Variants in ERICH3 observed in about 807,000 individuals in gnomAD.
The protein encoded by ERICH3 is glutamate rich 3.
A neutral mutation model predicts 131.1 loss-of-function variants in ERICH3; 126 were observed. The ratio of observed to expected loss-of-function variants is 0.96; its 90% CI spans 0.83 to 1.11. The LOEUF (loss-of-function observed/expected upper bound fraction) is 1.11, where lower values mean the gene tolerates loss of function less well. ERICH3 is among the 50% of genes most tolerant of loss of function. The pLI, the probability that ERICH3 is intolerant of heterozygous loss-of-function variation, is 0.00. For missense variants in ERICH3, 2,050 were observed against 1,810.7 expected, an observed-to-expected ratio of 1.13 and a Z score of -2.40; for synonymous variants, 695 against 644.6, an observed-to-expected ratio of 1.08 and a Z score of -1.18.
At chr1:74,649,602 T>C (rs960340869) in intron 1 of ERICH3, among the ~76,000 whole-genome samples, 1 of 152,024 alleles carries the variant, frequency 6.6e-6, no homozygotes, top group African/African-American at 2.4e-5. Context: ...ATGCAAAAAG[T>C]CATGGCAGCA....
At chr1:74,673,882 T>A, upstream of ERICH3, 1 of 250,574 alleles carries the variant, frequency 4.0e-6, no homozygotes, top group Non-Finnish European at 7.4e-6. Context: ...AAGCCCCTGC[T>A]CTGTTGCTCT....
Position 74,572,960 on chromosome 1 carries a change from T to C in ERICH3, c.2750A>G (p.His917Arg), listed in dbSNP as rs982998101. Residue 917 changes from histidine to arginine, a missense_variant, in exon 14 of 15, where the codon CAT (histidine) becomes CGT (arginine). Coordinates refer to ENST00000326665, the MANE Select transcript of ERICH3 (RefSeq NM_001002912.5). ...TGCCTCTCTCAGGGCTGCTACTTCA[T>C]GAAGATGCTCCAAGTTCAGGGCTGC... ...EAAALNLEHL[H>R]EVAALREAAT... 2.5e-6 allele frequency: 4 copies of C among 1,614,140 alleles called. No homozygotes were observed. Among genetic ancestry groups the C allele is most frequent in the Non-Finnish European group, 3.4e-6 (4 of 1,180,012 alleles).
At chr1:74,588,320 A>G (rs1321986159) in intron 12 of ERICH3, among the ~76,000 whole-genome samples, 7 of 152,166 alleles carry the variant, frequency 4.6e-5, no homozygotes. Flanking sequence ...ACATGGGACT[A>G]CTAACCTTTG....
intron 1 of ERICH3, among the ~76,000 whole-genome samples, chr1:74,651,637 C>G (rs563263867): frequency 9.9e-5 from 15 of 152,208 alleles, no homozygotes; most frequent in Non-Finnish European, 1.5e-4. Flanking sequence ...TTCACAGATT[C>G]TTAAGATAAA....
intron 6 of ERICH3, 21 bp downstream of exon 6, chr1:74,636,259 A>G (rs1257810639): frequency 5.8e-6 from 9 of 1,554,022 alleles, no homozygotes; most frequent in Non-Finnish European, 7.8e-6. Flanking sequence ...AAATATATTT[A>G]TTGATAAAAA....
intron 9 of ERICH3, 85 bp downstream of exon 9, chr1:74,612,538 T>C: frequency 1.6e-6 from 2 of 1,229,138 alleles, no homozygotes; most frequent in Non-Finnish European, 2.2e-6. Context: ...TCCTTAATAA[T>C]TGTGAAGAGA....
chr1:74,656,359 C>T (rs1295231563), intron 1 of ERICH3, among the ~76,000 whole-genome samples: 1 of 152,140 alleles, frequency 6.6e-6, no homozygotes, highest in Non-Finnish European at 1.5e-5. Context: ...CCAACTGGCC[C>T]CATCACAAGA....
chr1:74,602,712 A>C (rs1226086548), intron 10 of ERICH3, among the ~76,000 whole-genome samples: 1 of 151,982 alleles, frequency 6.6e-6, no homozygotes, highest in African/African-American at 2.4e-5. Context: ...TATCATGAGT[A>C]TAAAGTACAT....
rs750090566 is a variant in ERICH3 at position 74,573,102 on chromosome 1, G to A, written c.2608C>T (p.Leu870=). 3.7e-6 allele frequency: 6 copies of A among 1,614,056 alleles called. No individual in the cohort carries two copies. In the Admixed American group the frequency reaches 1.0e-4, roughly 27 times the overall value. The change falls in exon 14 of 15, where the codon CTG becomes TTG. Residue 870 remains leucine (L), a synonymous_variant. Coordinates refer to ENST00000326665, the MANE Select transcript of ERICH3 (RefSeq NM_001002912.5). The part of the protein sequence containing the change: ...GQAAAKDAVG[L]SKDEAPEKQA... Reference sequence around the variant, plus strand: ...TTTTCAGGAGCCTCATCTTTACTCAGACCCACAGCATCTTTTGCTGCTGCT... The same window carrying A: ...TTTTCAGGAGCCTCATCTTTACTCAAACCCACAGCATCTTTTGCTGCTGCT...
intron 9 of ERICH3, among the ~76,000 whole-genome samples, chr1:74,608,820 T>A (rs1648521778): frequency 6.6e-6 from 1 of 152,112 alleles, no homozygotes; most frequent in Admixed American, 6.6e-5. Context: ...AAAATGTGAT[T>A]ACTAGCATTG....
chr1:74,645,207 T>TC (rs1222772479), intron 3 of ERICH3, among the ~76,000 whole-genome samples: 2 of 151,034 alleles, frequency 1.3e-5, no homozygotes, highest in Non-Finnish European at 3.0e-5. Context: ...TTCTACAGTA[T>TC]TTTTTTTTAA....
intron 12 of ERICH3, among the ~76,000 whole-genome samples, chr1:74,587,218 G>A (rs1296775396): frequency 1.3e-5 from 2 of 151,100 alleles, no homozygotes; most frequent in South Asian, 2.1e-4. Context: ...TCAGCTACTC[G>A]GGAGGTTAAG....
intron 10 of ERICH3, among the ~76,000 whole-genome samples, chr1:74,605,444 T>TG (rs1648340095): frequency 1.3e-5 from 2 of 152,044 alleles, no homozygotes; most frequent in African/African-American, 4.8e-5. Context: ...TTGGCACAAG[T>TG]GGCCTAGCTT....
rs201617318 is a variant in ERICH3 at position 74,607,052 on chromosome 1, TA to T, written c.1188-151del. 1,457 of 546,730 alleles carry T rather than the reference TA, an allele frequency of 2.7e-3. 17 individuals carry two copies. Among genetic ancestry groups the T allele is most frequent in the African/African-American group, 0.025 (1,264 of 51,036 alleles). 33.9% of individuals were successfully genotyped at this position (546,730 alleles called of 1,614,324 possible). A position where few individuals can be genotyped will look rare whatever the true frequency, so the allele number is the denominator to read the frequency against. On this transcript the variant is annotated intron_variant, in intron 9 of 14. Transcript: ENST00000326665. Reference sequence around the variant, plus strand: ...GTACACACTAATAAAAATAAACAATTAAAAAAGCTAATTAAAAATAAACTAT... The same window carrying T: ...GTACACACTAATAAAAATAAACAATTAAAAAGCTAATTAAAAATAAACTAT...
intron 3 of ERICH3, among the ~76,000 whole-genome samples, chr1:74,644,662 C>T (rs1646466342): frequency 6.6e-6 from 1 of 152,048 alleles, no homozygotes; most frequent in Non-Finnish European, 1.5e-5. Flanking sequence ...CCCACTTCAG[C>T]TTCTCTGTAG....
At chr1:74,625,392 C>T (rs1038945316) in intron 7 of ERICH3, 1 of 152,006 alleles carries the variant, frequency 6.6e-6, no homozygotes, top group African/African-American at 2.4e-5. Flanking sequence ...TTTGCTTATT[C>T]CTTTTTCCCC....
intron 6 of ERICH3, among the ~76,000 whole-genome samples, chr1:74,633,604 A>G (rs1646361727): frequency 6.6e-6 from 1 of 151,942 alleles, no homozygotes. Flanking sequence ...ACATCTTTTC[A>G]TGCCAGTGCA....
At chr1:74,632,835 T>C (rs1173414872) in intron 6 of ERICH3, among the ~76,000 whole-genome samples, 2 of 151,962 alleles carry the variant, frequency 1.3e-5, no homozygotes, top group African/African-American at 4.8e-5. Flanking sequence ...TTTAGGGATA[T>C]ACCTTCATAT....
chr1:74,637,805 G>A (rs1646403567), intron 5 of ERICH3, among the ~76,000 whole-genome samples: 2 of 152,004 alleles, frequency 1.3e-5, no homozygotes, highest in Admixed American at 1.3e-4. Context: ...CAGCTACTCA[G>A]GAGTCTGAGG....
Sources: gnomAD v4.1 joint callset for allele counts (sites outside exome capture counted in the v4.1 genomes callset) on GRCh38, gnomAD v4.1.1 for gene constraint, MANE v1.5 for transcripts, NCBI Gene and HGNC (gene_info 2026-07-23, HGNC 2026-07-21) for gene names.